PPL: variants seen among roughly 807,000 people sequenced by gnomAD.
The protein encoded by PPL is 190 kDa paraneoplastic pemphigus antigen.
In PPL, 198 loss-of-function variants were observed where a neutral mutation model predicts 194.4. That is an observed-to-expected ratio of 1.02 (90% CI 0.91 to 1.15). The LOEUF (loss-of-function observed/expected upper bound fraction) is 1.15, where lower values mean the gene tolerates loss of function less well. PPL is among the 50% of genes most tolerant of loss of function. PPL has a pLI of 0.00. For synonymous variants in PPL, 1,220 were observed against 972.4 expected (o/e 1.25, Z -4.74); for missense variants, 2,885 against 2,294.8 (o/e 1.26, Z -5.25).
chr16:4,889,095 A>G (rs2088267206), intron 18 of PPL, 34 bp from the exon 19 acceptor site: 2 of 1,595,532 alleles, frequency 1.3e-6, no homozygotes, highest in Non-Finnish European at 1.7e-6. Flanking sequence ...AAAACTAACC[A>G]GAAAAAAAAT....
intron 1 of PPL, among the ~76,000 whole-genome samples, chr16:4,928,110 C>G (rs931374809): frequency 5.3e-5 from 8 of 152,200 alleles, no homozygotes; most frequent in Admixed American, 1.3e-4. Flanking sequence ...GGATGTCACT[C>G]TGGGTTCAGG....
intron 1 of PPL, among the ~76,000 whole-genome samples, chr16:4,928,872 G>T (rs937259662): frequency 6.6e-6 from 1 of 151,956 alleles, no homozygotes; most frequent in African/African-American, 2.4e-5. Context: ...ATAGCCAGGC[G>T]TGGTGGTGGG....
intron 4 of PPL, among the ~76,000 whole-genome samples, chr16:4,901,456 A>G (rs2088569164): frequency 6.6e-6 from 1 of 152,202 alleles, no homozygotes. Context: ...TGGGAGGCCA[A>G]TGGGGTCGGA....
chr16:4,893,487 AG>A (rs780781436), intron 13 of PPL, 53 bp downstream of exon 13: 31 of 1,601,776 alleles, frequency 1.9e-5, no homozygotes, highest in Non-Finnish European at 2.6e-5. Flanking sequence ...ACCCTGGTCC[AG>A]CCCCTCCTCC....
intron 17 of PPL, 90 bp from the exon 18 acceptor site, chr16:4,890,424 A>C: frequency 7.1e-7 from 1 of 1,417,996 alleles, no homozygotes; most frequent in Non-Finnish European, 9.3e-7. Context: ...AAACAACCAA[A>C]TGTAACAACC....
chr16:4,915,968 T>G (rs1305961225), intron 1 of PPL, among the ~76,000 whole-genome samples: 1 of 152,148 alleles, frequency 6.6e-6, no homozygotes, highest in Non-Finnish European at 1.5e-5. Flanking sequence ...CTTCACAGAT[T>G]AATTTAAAAT....
intron 2 of PPL, among the ~76,000 whole-genome samples, chr16:4,907,878 G>C (rs1347650856): frequency 6.6e-6 from 1 of 151,990 alleles, no homozygotes; most frequent in Non-Finnish European, 1.5e-5. Context: ...AAAATAGGCC[G>C]GGTGCAGTGG....
Position 4,937,003 on chromosome 16 carries a change from G to T in PPL, c.43C>A (p.Pro15Thr). 6.4e-7 allele frequency: 1 copy of T among 1,557,520 alleles called. No homozygotes were observed. Among genetic ancestry groups the T allele is most frequent in the East Asian group, 2.6e-5 (1 of 38,598 alleles). ...CCTCACCTCCGGGTCTGCACAGTGG[G>T]GCTGTATTTGCCTTTGTTTCTCTTC... ...FRKRNKGKYS[P>T]TVQTRSISNK... The change falls in exon 1 of 22, where the codon CCC becomes ACC. Residue 15 changes from proline (P) to threonine (T), a missense_variant. Physicochemically the swap from Pro to Thr is conservative, Grantham distance 38 (BLOSUM62 -1). Transcript: ENST00000345988.
Position 4,885,693 on chromosome 16 carries a change from C to A in PPL, c.2962G>T (p.Gly988Trp), listed in dbSNP as rs200390221. 20 of 1,613,316 alleles carry A rather than the reference C, an allele frequency of 1.2e-5. No homozygotes were observed. In the South Asian group the frequency reaches 2.1e-4, roughly 17 times the overall value. Residue 988 changes from glycine to tryptophan, a missense_variant, in exon 22 of 22, where the codon GGG becomes TGG. Transcript: ENST00000345988. The surrounding 1 kb of genome is among the most constrained non-coding windows in gnomAD (Gnocchi z 6.3). ...TCCTTGACCACGTACTCCTGCCCCC[C>A]GTCTCTGGTCTCCTGCTCCAGGGCA... is the stretch of plus-strand genomic sequence containing the variant. Reference protein sequence around the residue: ...LRALEQETRDGGQEYVVKEVL... With the variant: ...LRALEQETRDWGQEYVVKEVL...
At position 4,883,496 on chromosome 16, in the gene PPL, G is replaced by A. The variant is rs780990023; in HGVS notation, c.5159C>T (p.Ser1720Phe). Residue 1720 changes from serine to phenylalanine, a missense_variant, in exon 22 of 22, where the codon TCC becomes TTC. Transcript: ENST00000345988. The surrounding 1 kb of genome is among the most constrained non-coding windows in gnomAD (Gnocchi z 4.8). ...IHDRKSGKKF[S>F]IEEALQSGRL... ...GCCACTCTGCAGGGCCTCTTCGATG[G>A]AGAACTTCTTGCCAGACTTCCTGTC... 1.2e-6 allele frequency: 2 copies of A among 1,614,190 alleles called. No individual in the cohort carries two copies. Among genetic ancestry groups the A allele is most frequent in the Non-Finnish European group, 1.7e-6 (2 of 1,180,028 alleles).
chr16:4,894,754 G>T, intron 11 of PPL, 136 bp from the exon 12 acceptor site: 1 of 974,298 alleles, frequency 1.0e-6, no homozygotes, highest in Non-Finnish European at 1.5e-6. Context: ...AGAGTGGGGA[G>T]GGGCATGCAG....
chr16:4,914,370 G>A (rs1014542745), intron 1 of PPL, among the ~76,000 whole-genome samples: 5 of 152,168 alleles, frequency 3.3e-5, no homozygotes, highest in Non-Finnish European at 5.9e-5. Flanking sequence ...GGTTCCCCAG[G>A]GTACCTGGAC....
intron 1 of PPL, among the ~76,000 whole-genome samples, chr16:4,927,459 A>T (rs1449245342): frequency 6.6e-6 from 1 of 152,242 alleles, no homozygotes; most frequent in Non-Finnish European, 1.5e-5. Flanking sequence ...TCCTCAGGTG[A>T]TTCTAATGTA....
chr16:4,898,076 C>T (rs1057498817), intron 8 of PPL, among the ~76,000 whole-genome samples: 1 of 152,148 alleles, frequency 6.6e-6, no homozygotes, highest in African/African-American at 2.4e-5. Context: ...CGAACAGTGT[C>T]CCACCAAATC....
chr16:4,918,130 T>C, intron 1 of PPL, among the ~76,000 whole-genome samples: 1 of 151,796 alleles, frequency 6.6e-6, no homozygotes, highest in South Asian at 2.1e-4. Flanking sequence ...TCGTCTCTAC[T>C]AAAAACACAA....
At chr16:4,905,517 G>A (rs560290721) in intron 2 of PPL, among the ~76,000 whole-genome samples, 1 of 152,344 alleles carries the variant, frequency 6.6e-6, no homozygotes, top group African/African-American at 2.4e-5. Flanking sequence ...ATTCATGGGC[G>A]TGGTTCTGCC....
At chr16:4,927,279 G>A (rs2089171698) in intron 1 of PPL, among the ~76,000 whole-genome samples, 1 of 152,236 alleles carries the variant, frequency 6.6e-6, no homozygotes, top group African/African-American at 2.4e-5. Flanking sequence ...AACTGATACT[G>A]AAGAGAGAAA....
intron 1 of PPL, among the ~76,000 whole-genome samples, chr16:4,925,248 T>C (rs1202446365): frequency 1.3e-5 from 2 of 152,256 alleles, no homozygotes; most frequent in Non-Finnish European, 2.9e-5. Context: ...GAGGGCCAGC[T>C]TGGGGGAGGT....
At chr16:4,929,609 A>G (rs917014518) in intron 1 of PPL, among the ~76,000 whole-genome samples, 9 of 152,218 alleles carry the variant, frequency 5.9e-5, no homozygotes, top group Non-Finnish European at 1.3e-4. Context: ...AGGAAGAGAA[A>G]TGTTATTGTT....
Sources: gnomAD v4.1 joint callset for allele counts (sites outside exome capture counted in the v4.1 genomes callset) on GRCh38, gnomAD v4.1.1 for gene constraint, Gnocchi (gnomAD v3.1) non-coding constraint, MANE v1.5 for transcripts, NCBI Gene and HGNC (gene_info 2026-07-23, HGNC 2026-07-21) for gene names.